Variants in SMIM13 observed in about 807,000 individuals in gnomAD.
SMIM13 encodes the protein UPF0766 protein C6orf228.
Under a neutral mutation model 5.9 loss-of-function variants are expected in SMIM13, and 3 were observed. The ratio of observed to expected loss-of-function variants is 0.51; its 90% CI spans 0.23 to 1.31. SMIM13 has a LOEUF of 1.31. Among genes scored for constraint, SMIM13 ranks in the 40% most tolerant of loss-of-function variants. SMIM13 has a pLI of 0.18. For synonymous variants in SMIM13, 55 were observed against 46.0 expected (o/e 1.19, Z -0.79); for missense variants, 85 against 109.9 (o/e 0.77, Z 1.01).
At chr6:11,100,015 T>A (rs1561750903) in intron 1 of SMIM13, among the ~76,000 whole-genome samples, 2 of 152,180 alleles carry the variant, frequency 1.3e-5, no homozygotes, top group Non-Finnish European at 2.9e-5. Context: ...ATTGCCTTTT[T>A]AGCTTACCTA....
chr6:11,104,171 G>A, intron 1 of SMIM13: 2 of 1,551,680 alleles, frequency 1.3e-6, no homozygotes, highest in Non-Finnish European at 1.7e-6. Flanking sequence ...GCTGGCTATA[G>A]GTGAGGGAAG....
At chr6:11,105,275 A>G in intron 1 of SMIM13, 1 of 1,614,042 alleles carries the variant, frequency 6.2e-7, no homozygotes, top group Non-Finnish European at 8.5e-7. Context: ...CTGCTAGTGA[A>G]GGCGTGAGAA....
chr6:11,123,096 T>C (rs2113662503), intron 1 of SMIM13, among the ~76,000 whole-genome samples: 1 of 152,246 alleles, frequency 6.6e-6, no homozygotes, highest in Middle Eastern at 3.4e-3. Flanking sequence ...CCTATATCCA[T>C]GTTCACTGTA....
At chr6:11,099,804 A>G (rs922682926) in intron 1 of SMIM13, among the ~76,000 whole-genome samples, 1 of 152,112 alleles carries the variant, frequency 6.6e-6, no homozygotes, top group African/African-American at 2.4e-5. Flanking sequence ...AATAGCCACT[A>G]TATATTTTTA....
chr6:11,127,588 G>C (rs1040397559), intron 1 of SMIM13, among the ~76,000 whole-genome samples: 31 of 152,212 alleles, frequency 2.0e-4, no homozygotes, highest in African/African-American at 7.2e-4. Context: ...AGGCAAGGAG[G>C]AGCAAGTCCT....
At chr6:11,123,534 A>AT (rs900958351) in intron 1 of SMIM13, among the ~76,000 whole-genome samples, 39 of 152,348 alleles carry the variant, frequency 2.6e-4, no homozygotes, top group Admixed American at 1.2e-3. Context: ...TTTGAGCCCT[A>AT]TTAGCAGCAA....
At chr6:11,132,098 A>T (rs2113670048) in intron 1 of SMIM13, among the ~76,000 whole-genome samples, 1 of 152,314 alleles carries the variant, frequency 6.6e-6, no homozygotes, top group South Asian at 2.1e-4. Flanking sequence ...AACTAAATTT[A>T]AAAAATGAGC....
Position 11,138,275 on chromosome 6 carries a change from A to T in SMIM13, c.*3673A>T, listed in dbSNP as rs1581924549. The T allele has an allele frequency of 6.6e-6, 1 of 152,314 alleles. No homozygotes were observed. The highest frequency in any genetic ancestry group is 6.5e-5 in the Admixed American group (1 of 15,300). 9.4% of individuals were successfully genotyped at this position (152,314 alleles called of 1,614,324 possible). A position where few individuals can be genotyped will look rare whatever the true frequency, so the allele number is the denominator to read the frequency against. ...CTGTTGTGAAGTCTAGAACTAAAGC[A>T]CCTTGTATTGTCTGCTTCTAAAGTG... On this transcript the variant is annotated 3_prime_UTR_variant, in exon 2 of 2. Coordinates refer to ENST00000416247, the MANE Select transcript of SMIM13 (RefSeq NM_001135575.2).
At chr6:11,115,071 A>G (rs1758219770) in intron 1 of SMIM13, among the ~76,000 whole-genome samples, 1 of 152,212 alleles carries the variant, frequency 6.6e-6, no homozygotes, top group Admixed American at 6.5e-5. Context: ...ATTCATGAGA[A>G]ATACTTGTGG....
In SMIM13 at chr6:11,094,377, C is replaced by T; in HGVS notation, c.64C>T (p.Leu22=). The change falls in exon 1 of 2, where the codon CTG becomes TTG. Residue 22 remains leucine, a synonymous_variant. Transcript: ENST00000416247. ...GGCCACGCTGCTGATCGTCCTGCTG[C>T]TGATGGTGTGCGGTGAGTGGGGGCG... The part of the protein sequence containing the change: ...FVATLLIVLL[L]MVCGWYFVWH... The T allele has an allele frequency of 6.5e-7, 1 of 1,537,202 alleles. No homozygotes were observed. Among genetic ancestry groups the T allele is most frequent in the Non-Finnish European group, 8.7e-7 (1 of 1,143,472 alleles).
At position 11,094,376 on chromosome 6, in the gene SMIM13, G is replaced by T. The variant is rs1270911251; in HGVS notation, c.63G>T (p.Leu21=). ...VFVATLLIVL[L]LMVCGWYFVW... The stretch of plus-strand genomic sequence containing the variant: ...TGGCCACGCTGCTGATCGTCCTGCT[G>T]CTGATGGTGTGCGGTGAGTGGGGGC... Residue 21 remains leucine (L), a synonymous_variant, in exon 1 of 2, where the codon CTG becomes CTT. Coordinates refer to ENST00000416247, the MANE Select transcript of SMIM13 (RefSeq NM_001135575.2). 6.5e-7 allele frequency: 1 copy of T among 1,537,412 alleles called. No individual in the cohort carries two copies. The highest frequency in any genetic ancestry group is 1.4e-5 in the African/African-American group (1 of 73,122).
intron 1 of SMIM13, among the ~76,000 whole-genome samples, chr6:11,132,887 C>T (rs540301628): frequency 1.9e-4 from 29 of 152,188 alleles, no homozygotes; most frequent in African/African-American, 5.8e-4. Context: ...CTAAAAAACA[C>T]GGAATTGTAT....
intron 1 of SMIM13, among the ~76,000 whole-genome samples, chr6:11,116,978 G>GTTTTTTTT (rs1561756849): frequency 3.0e-5 from 2 of 67,708 alleles, no homozygotes; most frequent in Admixed American, 1.6e-4. Context: ...AATGATAATT[G>GTTTTTTTT]TTTCTTTTTT....
intron 1 of SMIM13, among the ~76,000 whole-genome samples, chr6:11,130,267 A>AAAAAAC (rs1554119989): frequency 6.9e-6 from 1 of 145,746 alleles, no homozygotes; most frequent in Admixed American, 6.8e-5. Flanking sequence ...AAAAAAAAAA[A>AAAAAAC]AACAACAACA....
At chr6:11,119,359 A>T (rs1179239488) in intron 1 of SMIM13, among the ~76,000 whole-genome samples, 3 of 152,078 alleles carry the variant, frequency 2.0e-5, no homozygotes, top group Non-Finnish European at 4.4e-5. Flanking sequence ...GTATGGATGA[A>T]AATTTGGTCC....
intron 1 of SMIM13, among the ~76,000 whole-genome samples, chr6:11,125,692 G>A (rs1758368958): frequency 6.6e-6 from 1 of 152,106 alleles, no homozygotes; most frequent in South Asian, 2.1e-4. Context: ...GAGATTGATT[G>A]CCAGACATGT....
intron 1 of SMIM13, among the ~76,000 whole-genome samples, chr6:11,118,561 G>A (rs1758270250): frequency 6.6e-6 from 1 of 152,188 alleles, no homozygotes. Context: ...GTTTCTCATA[G>A]GGAAGGTGGT....
At chr6:11,104,379 C>T (rs375838954) in intron 1 of SMIM13, 6 of 1,551,562 alleles carry the variant, frequency 3.9e-6, no homozygotes, top group Non-Finnish European at 5.2e-6. Context: ...AGTCCAGTTA[C>T]TGGGGAGGCA....
chr6:11,118,894 A>G (rs1758275709), intron 1 of SMIM13, among the ~76,000 whole-genome samples: 1 of 152,254 alleles, frequency 6.6e-6, no homozygotes, highest in South Asian at 2.1e-4. Context: ...TTTATAGAAC[A>G]GGAAACTGAA....
Sources: allele counts gnomAD v4.1 joint callset (sites outside exome capture counted in the v4.1 genomes callset), GRCh38; gene constraint gnomAD v4.1.1; transcripts MANE v1.5; gene names NCBI Gene and HGNC (gene_info 2026-07-23, HGNC 2026-07-21).